The following DNAH9 variants were observed in gnomAD, a reference collection of about 807,000 sequenced individuals.
The protein encoded by DNAH9 is dynein axonemal heavy chain 9.
In DNAH9, 345 loss-of-function variants were observed where a neutral mutation model predicts 471.6. The observed-to-expected ratio is 0.73, with a 90% confidence interval of 0.67 to 0.80. DNAH9 has a LOEUF of 0.80. Ranked by LOEUF, DNAH9 falls within the 30% of genes least tolerant of loss-of-function variation. The pLI is 0.00. For missense variants in DNAH9, 5,407 were observed against 5,609.2 expected, an observed-to-expected ratio of 0.96 and a Z score of 1.15; for synonymous variants, 2,093 against 2,123.6, an observed-to-expected ratio of 0.99 and a Z score of 0.40.
At chr17:11,604,854 G>A (rs2072465806) in intron 1 of DNAH9, among the ~76,000 whole-genome samples, 1 of 152,092 alleles carries the variant, frequency 6.6e-6, no homozygotes. Context: ...CTTGGTAGGT[G>A]GCCTCCCTTT....
intron 23 of DNAH9, 98 bp from the exon 24 acceptor site, chr17:11,701,024 T>C: frequency 7.6e-7 from 1 of 1,322,050 alleles, no homozygotes; most frequent in Non-Finnish European, 1.1e-6. Context: ...ATGTGTGGGC[T>C]CCCTTTCCTT....
At chr17:11,701,437 C>T (rs1241761085) in intron 24 of DNAH9, among the ~76,000 whole-genome samples, 190 bp downstream of exon 24, 2 of 152,174 alleles carry the variant, frequency 1.3e-5, no homozygotes, top group African/African-American at 2.4e-5. Flanking sequence ...CCTAAGTCAA[C>T]CCTGACCTTG....
In DNAH9 at chr17:11,902,782, T is replaced by G. The variant is rs757855865; in HGVS notation, c.11470T>G (p.Trp3824Gly). ...GGACATAGAGGGATCTGCTAAGAGC[T>G]GGAAAAAGTTTGTGGAGTCCGAATG... Reference protein sequence around the residue: ...DRDIEGSAKSWKKFVESECPE... With the variant: ...DRDIEGSAKSGKKFVESECPE... Residue 3824 changes from tryptophan to glycine, a missense_variant, in exon 60 of 69, where the codon TGG becomes GGG. This residue lies in a region of DNAH9 where 4,636 missense variants were observed against 4,900.3 expected (regional missense o/e 0.95). Transcript: ENST00000262442. The G allele has an allele frequency of 6.2e-7, 1 of 1,613,988 alleles. No individual in the cohort carries two copies. Among genetic ancestry groups the G allele is most frequent in the South Asian group, 1.1e-5 (1 of 91,078 alleles).
intron 26 of DNAH9, among the ~76,000 whole-genome samples, chr17:11,706,020 T>C (rs2074693584): frequency 6.6e-6 from 1 of 152,192 alleles, no homozygotes; most frequent in Non-Finnish European, 1.5e-5. Flanking sequence ...GAAAATGTCA[T>C]GGTGCAATTT....
chr17:11,632,842 G>A lies in DNAH9; in HGVS notation c.1635+139G>A, dbSNP rs1417407860. On this transcript the variant is annotated intron_variant, in intron 8 of 68. Transcript: ENST00000262442. ...TATTAATCTAGTAGAGAAGGATATG[G>A]GAATCCTTCTTATATCAAGAAAGTG... 28 of 499,846 alleles carry A rather than the reference G, an allele frequency of 5.6e-5. No homozygotes were observed. The East Asian group carries it at 7.9e-4, about 14-fold the overall frequency. The allele number at this position is 499,846 out of a possible 1,614,324, so 31.0% of individuals were successfully genotyped here. A position where few individuals can be genotyped will look rare whatever the true frequency, so the allele number is the denominator to read the frequency against.
At position 11,733,876 on chromosome 17, in the gene DNAH9, A is replaced by AAAAAAC. The variant is rs1480994426; in HGVS notation, c.5815-5001_5815-5000insAACAAA. On this transcript the variant is annotated intron_variant, in intron 28 of 68. Transcript: ENST00000262442. Reference sequence around the variant, plus strand: ...ACTCCATCTCAAAAAAAAAAAAAAAAAAAGTAAAACCTGGGCAAATTATCC... The same window carrying AAAAAAC: ...ACTCCATCTCAAAAAAAAAAAAAAAAAAAAACAAAGTAAAACCTGGGCAAATTATCC... Among the ~76,000 whole-genome samples, 391 of 151,406 alleles carry AAAAAAC rather than the reference A, an allele frequency of 2.6e-3. 3 individuals carry two copies. The highest frequency in any genetic ancestry group is 8.9e-3 in the African/African-American group (367 of 41,126).
chr17:11,635,539 T>G (rs1464666466), intron 8 of DNAH9, among the ~76,000 whole-genome samples: 2 of 152,150 alleles, frequency 1.3e-5, no homozygotes, highest in Non-Finnish European at 2.9e-5. Context: ...TGAGCAGTTT[T>G]GGGCAGATTT....
In DNAH9 at chr17:11,892,217, C is replaced by A. The variant is rs1973076067; in HGVS notation, c.11283+270C>A. Among the ~76,000 whole-genome samples, 1 of 152,172 alleles carries A rather than the reference C, an allele frequency of 6.6e-6. No homozygotes were observed. The highest frequency in any genetic ancestry group is 6.5e-5 in the Admixed American group (1 of 15,284). On this transcript the variant is annotated intron_variant, in intron 58 of 68. Coordinates refer to ENST00000262442, the MANE Select transcript of DNAH9 (RefSeq NM_001372.4). This position sits in a 1 kb window ranked among gnomAD's most constrained non-coding sequence, Gnocchi z 4.3. ...GATCTTCCTCAGCACAGCACTCCAG[C>A]AGCCACTACCAATCAATCAAAACTG...
At chr17:11,636,001 T>G (rs1020758093) in intron 8 of DNAH9, among the ~76,000 whole-genome samples, 94 of 147,932 alleles carry the variant, frequency 6.4e-4, no homozygotes, top group African/African-American at 9.3e-4. Context: ...TGTTTATTTG[T>G]TTGTTTGGTT....
Position 11,894,465 on chromosome 17 carries a change from T to A in DNAH9, c.11375T>A (p.Phe3792Tyr). Residue 3792 changes from phenylalanine (F) to tyrosine (Y), a missense_variant, in exon 59 of 69, where the codon TTC becomes TAC. Coordinates refer to ENST00000262442, the MANE Select transcript of DNAH9 (RefSeq NM_001372.4). ...VQTGTASPVE[F>Y]LSHQAWGAVK... is the part of the protein sequence containing the mutation. ...ACGGGCACCGCCAGCCCCGTGGAGT[T>A]CCTCTCCCATCAGGCGTGGGGAGCT... The A allele has an allele frequency of 6.2e-7, 1 of 1,614,118 alleles. No individual in the cohort carries two copies.
chr17:11,604,171 C>T (rs544695066), intron 1 of DNAH9, among the ~76,000 whole-genome samples: 5 of 151,900 alleles, frequency 3.3e-5, no homozygotes, highest in South Asian at 4.1e-4. Context: ...TACAGGTGCC[C>T]GCCACCATGC....
At chr17:11,735,910 A>T (rs1309299849) in intron 28 of DNAH9, among the ~76,000 whole-genome samples, 4 of 152,244 alleles carry the variant, frequency 2.6e-5, no homozygotes, top group Non-Finnish European at 4.4e-5. Context: ...GGAAGTAGCT[A>T]AAAGCATGTG....
chr17:11,823,078 G>A (rs1286867765), intron 48 of DNAH9, 44 bp downstream of exon 48: 1 of 1,536,226 alleles, frequency 6.5e-7, no homozygotes, highest in Non-Finnish European at 8.8e-7. Flanking sequence ...GACTTGGAGG[G>A]AGCTGAAGCA....
rs757126749 is a variant in DNAH9, at chr17:11,694,336, G to A, written c.4761G>A (p.Glu1587=). The A allele has an allele frequency of 6.2e-7, 1 of 1,613,960 alleles. No individual in the cohort carries two copies. The highest frequency in any genetic ancestry group is 8.5e-7 in the Non-Finnish European group (1 of 1,179,984). Residue 1587 remains glutamate, a synonymous_variant, in exon 22 of 69, where the codon GAG becomes GAA. Coordinates refer to ENST00000262442, the MANE Select transcript of DNAH9 (RefSeq NM_001372.4). ...GTGCCCTCAGATTGTGCCTGTGTGA[G>A]AAGGCCCTGGCAGAGTACCTCGACA... ...EDIQGRLCLC[E]KALAEYLDTK... is the part of the protein sequence containing the mutation.
intron 35 of DNAH9, among the ~76,000 whole-genome samples, chr17:11,762,066 A>G (rs1004516709): frequency 6.6e-6 from 1 of 152,180 alleles, no homozygotes; most frequent in Non-Finnish European, 1.5e-5. Context: ...CAAACAAATG[A>G]GGGAACACCC....
chr17:11,903,867 C>T (rs1453330832), intron 60 of DNAH9, among the ~76,000 whole-genome samples: 2 of 151,524 alleles, frequency 1.3e-5, no homozygotes, highest in Non-Finnish European at 2.9e-5. Context: ...GCCAAGATTG[C>T]ACCACCGCAC....
intron 67 of DNAH9, among the ~76,000 whole-genome samples, chr17:11,961,013 T>C (rs1976106454): frequency 6.6e-6 from 1 of 151,770 alleles, no homozygotes; most frequent in Non-Finnish European, 1.5e-5. Flanking sequence ...TTACAAAGTT[T>C]GCTTTAAACA....
At chr17:11,844,691 C>G (rs1971151475) in intron 49 of DNAH9, among the ~76,000 whole-genome samples, 1 of 152,198 alleles carries the variant, frequency 6.6e-6, no homozygotes, top group Admixed American at 6.5e-5. Context: ...AGGCATGAGC[C>G]ACCACACCCA....
At chr17:11,839,400 C>T (rs573747005) in intron 49 of DNAH9, among the ~76,000 whole-genome samples, 2 of 152,080 alleles carry the variant, frequency 1.3e-5, no homozygotes, top group East Asian at 1.9e-4. Context: ...CCTGTAGTCC[C>T]AGCTACTCGG....
Sources: allele counts gnomAD v4.1 joint callset (sites outside exome capture counted in the v4.1 genomes callset), GRCh38; gene constraint gnomAD v4.1.1; regional missense constraint gnomAD v4.1.1; non-coding constraint Gnocchi (gnomAD v3.1); transcripts MANE v1.5; gene names NCBI Gene and HGNC (gene_info 2026-07-23, HGNC 2026-07-21).